DUSP22: variants seen among roughly 807,000 people sequenced by gnomAD.
DUSP22 encodes dual specificity phosphatase 22, also known as dual specificity protein phosphatase 22.
A neutral mutation model predicts 24.5 loss-of-function variants in DUSP22; 24 were observed. The ratio of observed to expected loss-of-function variants is 0.98; its 90% confidence interval spans 0.71 to 1.38. The LOEUF is 1.38. DUSP22 is among the 40% of genes most tolerant of loss of function. The probability of loss-of-function intolerance (pLI) is 0.00; values close to 1 mark genes in which losing one functional copy is unlikely to be tolerated. For synonymous variants in DUSP22, 160 were observed against 106.4 expected (o/e 1.50, Z -3.10); for missense variants, 330 against 269.2 (o/e 1.23, Z -1.58).
At chr6:336,458 A>C (rs1013792829) in intron 4 of DUSP22, among the ~76,000 whole-genome samples, 55 of 152,400 alleles carry the variant, frequency 3.6e-4, no homozygotes, top group Non-Finnish European at 3.4e-4. Flanking sequence ...TCTGGGAGTT[A>C]TTGAACGCTG....
intron 3 of DUSP22, among the ~76,000 whole-genome samples, chr6:313,423 C>G (rs893285871): frequency 6.6e-6 from 1 of 152,300 alleles, no homozygotes; most frequent in Non-Finnish European, 1.5e-5. Context: ...CACAGGCTAG[C>G]GAGTAAAGCA....
At chr6:298,156 T>A (rs1409703273) in intron 1 of DUSP22, among the ~76,000 whole-genome samples, 1 of 152,308 alleles carries the variant, frequency 6.6e-6, no homozygotes, top group Non-Finnish European at 1.5e-5. Flanking sequence ...ATTACATTTT[T>A]ATTTCGTGTT....
intron 3 of DUSP22, among the ~76,000 whole-genome samples, chr6:334,247 G>T (rs1262664959): frequency 1.3e-5 from 2 of 152,288 alleles, no homozygotes; most frequent in Admixed American, 1.3e-4. Flanking sequence ...GTGAGATTAG[G>T]CAATTAAGAG....
intron 3 of DUSP22, among the ~76,000 whole-genome samples, chr6:334,535 A>C (rs1203718438): frequency 6.6e-6 from 1 of 152,296 alleles, no homozygotes; most frequent in African/African-American, 2.4e-5. Context: ...AAAAAGAAAA[A>C]AGTATTTTTG....
chr6:343,465 G>C, intron 4 of DUSP22, among the ~76,000 whole-genome samples: 1 of 152,252 alleles, frequency 6.6e-6, no homozygotes, highest in East Asian at 1.9e-4. Flanking sequence ...CCCCCCAAGG[G>C]TGCCAAGACG....
At chr6:295,402 T>C (rs577541153) in intron 1 of DUSP22, among the ~76,000 whole-genome samples, 1 of 152,290 alleles carries the variant, frequency 6.6e-6, no homozygotes, top group African/African-American at 2.4e-5. Flanking sequence ...TGTGCCCGTT[T>C]CCGTTAGGTG....
At chr6:310,253 G>A (rs766551502) in intron 2 of DUSP22, among the ~76,000 whole-genome samples, 95 of 152,382 alleles carry the variant, frequency 6.2e-4, no homozygotes, top group Non-Finnish European at 1.2e-3. Context: ...CAGTCACCAT[G>A]CCCGGCCTAA....
At chr6:298,735 C>T (rs371505246) in intron 1 of DUSP22, among the ~76,000 whole-genome samples, 415 of 152,240 alleles carry the variant, frequency 2.7e-3, no homozygotes, top group African/African-American at 9.2e-3. Context: ...CTTTGACCTG[C>T]GGAATGCCAG....
intron 3 of DUSP22, among the ~76,000 whole-genome samples, chr6:334,888 A>G (rs545807334): frequency 3.4e-4 from 52 of 152,406 alleles, no homozygotes; most frequent in South Asian, 1.9e-3. Flanking sequence ...GCCTAAACCT[A>G]CAGGCTGTTT....
At position 329,875 on chromosome 6, in the gene DUSP22, G is replaced by C. The variant is rs551839845; in HGVS notation, c.139-5239G>C. ...TGTTACAAGCTGTGACCTTGCTTCT[G>C]ATCAGGGGAGGAGTGGTTCAAATTT... On this transcript the variant is annotated intron_variant, in intron 3 of 6. Coordinates refer to ENST00000419235, the MANE Select transcript of DUSP22 (RefSeq NM_001286555.3). 3.3e-5 allele frequency among the ~76,000 whole-genome samples: 5 copies of C among 152,366 alleles called. No homozygotes were observed. The East Asian group carries it at 7.7e-4, about 23-fold the overall frequency.
chr6:306,451 G>A (rs1208334040), intron 2 of DUSP22, among the ~76,000 whole-genome samples: 1 of 152,302 alleles, frequency 6.6e-6, no homozygotes, highest in Non-Finnish European at 1.5e-5. Flanking sequence ...CTCCTTGCAA[G>A]TTCCTGGATC....
intron 3 of DUSP22, among the ~76,000 whole-genome samples, chr6:314,184 C>T (rs1326774118): frequency 2.0e-5 from 3 of 152,306 alleles, no homozygotes; most frequent in East Asian, 3.8e-4. Context: ...TGACCCCTGG[C>T]TGGTGAGAGC....
At chr6:296,885 T>A (rs1446940681) in intron 1 of DUSP22, among the ~76,000 whole-genome samples, 1 of 152,298 alleles carries the variant, frequency 6.6e-6, no homozygotes, top group Non-Finnish European at 1.5e-5. Flanking sequence ...TCATCAAGCA[T>A]CCGGCCTGCC....
chr6:338,045 G>A (rs1177477321), intron 4 of DUSP22: 1 of 152,496 alleles, frequency 6.6e-6, no homozygotes, highest in African/African-American at 2.4e-5. Context: ...TTCTGTTTCA[G>A]CTGAAAAAGG....
At chr6:302,930 A>C (rs1220742749) in intron 1 of DUSP22, among the ~76,000 whole-genome samples, 1 of 152,284 alleles carries the variant, frequency 6.6e-6, no homozygotes, top group Non-Finnish European at 1.5e-5. Context: ...GAGGAACAGG[A>C]GCTTGGTGGG....
intron 6 of DUSP22, 33 bp downstream of exon 6, chr6:348,307 GGC>G (rs772171276): frequency 3.1e-4 from 503 of 1,612,994 alleles, no homozygotes; most frequent in Non-Finnish European, 3.9e-4. Flanking sequence ...CAGAGATGCA[GGC>G]AGGTGCCCCT....
chr6:309,995 C>G (rs553422080), intron 2 of DUSP22, among the ~76,000 whole-genome samples: 16 of 152,416 alleles, frequency 1.0e-4, no homozygotes, highest in Admixed American at 9.1e-4. Context: ...GACTCTCACT[C>G]TGTTGCCCAG....
intron 3 of DUSP22, among the ~76,000 whole-genome samples, chr6:322,843 G>A (rs1004512977): frequency 7.1e-6 from 1 of 141,542 alleles, no homozygotes; most frequent in Non-Finnish European, 1.6e-5. Flanking sequence ...GGCGGGGGGG[G>A]GCCTTCGAGT....
intron 4 of DUSP22, among the ~76,000 whole-genome samples, chr6:339,454 T>A (rs1380696847): frequency 6.6e-6 from 1 of 152,312 alleles, no homozygotes; most frequent in East Asian, 1.9e-4. Context: ...AGTGAATGGT[T>A]AGATGCATAT....
Sources: allele counts gnomAD v4.1 joint callset (sites outside exome capture counted in the v4.1 genomes callset), GRCh38; gene constraint gnomAD v4.1.1; transcripts MANE v1.5; gene names NCBI Gene and HGNC (gene_info 2026-07-23, HGNC 2026-07-21).